Variants in PSD3 observed in about 807,000 individuals in gnomAD.
PSD3 encodes PH and SEC7 domain-containing protein 3.
Under a neutral mutation model 105.5 loss-of-function variants are expected in PSD3, and 49 were observed. The observed-to-expected ratio is 0.46, with a 90% CI of 0.37 to 0.59. The LOEUF (loss-of-function observed/expected upper bound fraction) is 0.59. Among genes scored for constraint, PSD3 ranks in the 20% least tolerant of loss-of-function variants. The pLI, the probability that PSD3 is intolerant of heterozygous loss-of-function variation, is 0.00. For synonymous variants in PSD3, 557 were observed against 457.8 expected (o/e 1.22, Z -2.77); for missense variants, 1,561 against 1,263.8 (o/e 1.24, Z -3.57).
At chr8:18,835,427 G>A (rs540710916) in intron 4 of PSD3, among the ~76,000 whole-genome samples, 2 of 152,202 alleles carry the variant, frequency 1.3e-5, no homozygotes, top group African/African-American at 2.4e-5. Flanking sequence ...CTTCCAACTA[G>A]TATTTATTGA....
chr8:18,552,030 G>A (rs866098774), intron 15 of PSD3, among the ~76,000 whole-genome samples: 11 of 152,120 alleles, frequency 7.2e-5, no homozygotes, highest in Admixed American at 4.6e-4. Flanking sequence ...TTTCCTAAAC[G>A]CATTTAAATT....
chr8:18,644,871 T>A (rs1807915886), intron 10 of PSD3, among the ~76,000 whole-genome samples: 2 of 152,232 alleles, frequency 1.3e-5, no homozygotes, highest in African/African-American at 4.8e-5. Context: ...AGAGATTTAT[T>A]TCTTACAGTA....
At chr8:18,788,648 G>A (rs186705155) in intron 8 of PSD3, among the ~76,000 whole-genome samples, 66 of 152,208 alleles carry the variant, frequency 4.3e-4, no homozygotes, top group Non-Finnish European at 7.1e-4. Context: ...TGCTTTTGGA[G>A]AAACTAAAAG....
At chr8:18,971,024 A>G (rs1824619132) in intron 1 of PSD3, among the ~76,000 whole-genome samples, 1 of 152,006 alleles carries the variant, frequency 6.6e-6, no homozygotes, top group African/African-American at 2.4e-5. Context: ...CCACATAAAT[A>G]GCAATTATCC....
At chr8:18,606,717 G>C (rs1804863815) in intron 11 of PSD3, among the ~76,000 whole-genome samples, 1 of 152,002 alleles carries the variant, frequency 6.6e-6, no homozygotes, top group South Asian at 2.1e-4. Context: ...CAGTAGGTGA[G>C]ATAAGAGAAA....
intron 4 of PSD3, among the ~76,000 whole-genome samples, chr8:18,839,277 A>C (rs1425389163): frequency 6.6e-6 from 1 of 152,192 alleles, no homozygotes; most frequent in East Asian, 1.9e-4. Flanking sequence ...TTCAAGTCCA[A>C]ATTTTCTCCA....
At chr8:18,808,855 A>G in intron 4 of PSD3, 4 of 1,604,450 alleles carry the variant, frequency 2.5e-6, no homozygotes. Context: ...TTCAGCTCCC[A>G]AGTTCAGTGA....
rs755816267 is a variant in PSD3 at position 18,532,826 on chromosome 8, T to A, written c.*2917A>T. On this transcript the variant is annotated 3_prime_UTR_variant, in exon 16 of 16. Coordinates refer to ENST00000327040, the MANE Select transcript of PSD3 (RefSeq NM_015310.4). ...ATTCAGATTTTATACATGGGCCACCTGTATGGTCAATTTTGCAACAACACT... is the reference window on the plus strand; with the variant it reads ...ATTCAGATTTTATACATGGGCCACCAGTATGGTCAATTTTGCAACAACACT... The A allele has an allele frequency of 2.6e-5, 4 of 152,176 alleles. No homozygotes were observed. Among genetic ancestry groups the A allele is most frequent in the Non-Finnish European group, 4.4e-5 (3 of 68,034 alleles). The allele number at this position is 152,176 out of a possible 1,614,324, so 9.4% of individuals were successfully genotyped here.
chr8:18,573,236 G>A (rs1042656092), intron 13 of PSD3, among the ~76,000 whole-genome samples: 4 of 152,128 alleles, frequency 2.6e-5, no homozygotes, highest in South Asian at 2.1e-4. Flanking sequence ...TTGGGAAGCC[G>A]AGGTGGGCAG....
chr8:18,681,359 T>A (rs1800376642), intron 9 of PSD3, among the ~76,000 whole-genome samples: 1 of 146,494 alleles, frequency 6.8e-6, no homozygotes, highest in South Asian at 2.1e-4. Context: ...ATCATCCCAA[T>A]ACTTTGGGAG....
At chr8:19,079,673 A>G (rs1284521300) in intron 1 of PSD3, among the ~76,000 whole-genome samples, 1 of 152,196 alleles carries the variant, frequency 6.6e-6, no homozygotes, top group Non-Finnish European at 1.5e-5. Context: ...CCATTACAGG[A>G]CAGACGGCTT....
chr8:18,879,771 A>AT (rs994371136), intron 2 of PSD3, among the ~76,000 whole-genome samples: 1 of 151,744 alleles, frequency 6.6e-6, no homozygotes, highest in African/African-American at 2.4e-5. Flanking sequence ...TTTTATTTTT[A>AT]TTTTTTTGTA....
chr8:19,028,299 C>CCCCT (rs1563517980), intron 1 of PSD3, among the ~76,000 whole-genome samples: 2 of 96,178 alleles, frequency 2.1e-5, no homozygotes, highest in Non-Finnish European at 4.0e-5. Context: ...CCGGCCCACC[C>CCCCT]TTTTTTTTTT....
At chr8:18,619,400 T>G (rs897237161) in intron 11 of PSD3, among the ~76,000 whole-genome samples, 8 of 151,822 alleles carry the variant, frequency 5.3e-5, no homozygotes, top group African/African-American at 1.9e-4. Flanking sequence ...ATCCCAGCAT[T>G]TTGGGAGGCC....
intron 1 of PSD3, among the ~76,000 whole-genome samples, chr8:19,037,918 A>G (rs756719589): frequency 2.0e-4 from 30 of 149,142 alleles, no homozygotes; most frequent in Non-Finnish European, 3.9e-4. Flanking sequence ...ATATAATCAT[A>G]TAGATTTTAA....
At chr8:18,780,200 A>G (rs533199088) in intron 8 of PSD3, among the ~76,000 whole-genome samples, 45 of 152,248 alleles carry the variant, frequency 3.0e-4, no homozygotes, top group Non-Finnish European at 5.1e-4. Context: ...TTTTTGGCTT[A>G]AAGTCTATTT....
intron 1 of PSD3, among the ~76,000 whole-genome samples, chr8:18,996,788 G>A (rs559662542): frequency 5.9e-5 from 9 of 151,722 alleles, no homozygotes; most frequent in African/African-American, 1.9e-4. Context: ...CTACTTCTGC[G>A]CTCTCTTACA....
At position 18,867,721 on chromosome 8, in the gene PSD3, G is replaced by A. The variant is rs375940177; in HGVS notation, c.1587C>T (p.Ser529=). ...GGGTGCCTTTCGTGTAGATGGAGTC[G>A]CTGGCATCATTCAGCCCATTGGTGA... ...SGVTNGLNDA[S]DSIYTKGTPE... The change falls in exon 4 of 16, where the codon AGC becomes AGT. Residue 529 remains serine (S), a synonymous_variant. Coordinates refer to ENST00000327040, the MANE Select transcript of PSD3 (RefSeq NM_015310.4). The A allele has an allele frequency of 1.7e-5, 28 of 1,613,956 alleles. No homozygotes were observed. The highest frequency in any genetic ancestry group is 2.3e-5 in the Non-Finnish European group (27 of 1,179,962).
intron 9 of PSD3, among the ~76,000 whole-genome samples, chr8:18,715,340 C>T (rs1185465347): frequency 1.3e-5 from 2 of 152,198 alleles, no homozygotes; most frequent in Non-Finnish European, 2.9e-5. Flanking sequence ...AGGTTACAAT[C>T]TACACTTTGA....
Sources: allele counts gnomAD v4.1 joint callset (sites outside exome capture counted in the v4.1 genomes callset), GRCh38; gene constraint gnomAD v4.1.1; transcripts MANE v1.5; gene names NCBI Gene and HGNC (gene_info 2026-07-23, HGNC 2026-07-21).